The following CPT1A variants were observed in gnomAD, a reference collection of about 807,000 sequenced individuals.
The protein encoded by CPT1A is carnitine O-palmitoyltransferase 1, liver isoform.
CPT1A carries 64 observed loss-of-function variants against 100.8 expected under a neutral mutation model. That is an observed-to-expected ratio of 0.63 (90% CI 0.52 to 0.78). The LOEUF is 0.78. Ranked by LOEUF, CPT1A falls within the 30% of genes least tolerant of loss-of-function variation. The pLI is 0.00. For missense variants in CPT1A, 802 were observed against 1,034.1 expected, an observed-to-expected ratio of 0.78 and a Z score of 3.08; for synonymous variants, 363 against 396.0, an observed-to-expected ratio of 0.92 and a Z score of 0.99.
Position 68,813,577 on chromosome 11 carries a change from C to T in CPT1A, c.142-1001G>A, listed in dbSNP as rs375483550. On this transcript the variant is annotated intron_variant, in intron 2 of 18. Transcript: ENST00000265641. ...ATTAGCCGGGCATTGTGGTGTGCACCTATGGTCCCAACTACTTGGGTGGAT... is the reference window on the plus strand; with the variant it reads ...ATTAGCCGGGCATTGTGGTGTGCACTTATGGTCCCAACTACTTGGGTGGAT... Among the ~76,000 whole-genome samples the T allele has an allele frequency of 2.0e-5, 3 of 149,746 alleles. No individual in the cohort carries two copies. In the Admixed American group the frequency reaches 2.0e-4, roughly 10 times the overall value.
chr11:68,779,675 A>G (rs770191091), intron 12 of CPT1A, among the ~76,000 whole-genome samples: 4 of 151,522 alleles, frequency 2.6e-5, no homozygotes, highest in African/African-American at 4.9e-5. Context: ...ACACACCTGT[A>G]GTCCCAGCTA....
chr11:68,760,079 C>G, intron 17 of CPT1A, 146 bp downstream of exon 17: 1 of 679,948 alleles, frequency 1.5e-6, no homozygotes, highest in Non-Finnish European at 2.7e-6. Context: ...CCAAGGACAT[C>G]CATAGCAATG....
chr11:68,805,680 C>G (rs138405153), intron 4 of CPT1A, among the ~76,000 whole-genome samples: 1 of 152,164 alleles, frequency 6.6e-6, no homozygotes, highest in South Asian at 2.1e-4. Flanking sequence ...TCGTATACAC[C>G]GGCAGACCCA....
At chr11:68,822,958 A>G (rs1856624901) in intron 1 of CPT1A, among the ~76,000 whole-genome samples, 2 of 152,178 alleles carry the variant, frequency 1.3e-5, no homozygotes, top group South Asian at 4.1e-4. Context: ...GTCATGGGTA[A>G]GGAGTTGGGG....
chr11:68,799,151 T>C, intron 6 of CPT1A, 67 bp downstream of exon 6: 1 of 1,435,556 alleles, frequency 7.0e-7, no homozygotes, highest in East Asian at 2.3e-5. Flanking sequence ...CTGTTATCCC[T>C]GCCCCTCAAA....
intron 5 of CPT1A, among the ~76,000 whole-genome samples, chr11:68,801,749 A>T (rs1434581723): frequency 6.8e-6 from 1 of 148,142 alleles, no homozygotes; most frequent in Non-Finnish European, 1.5e-5. Flanking sequence ...TAGTTTTAAA[A>T]TTGGAGTCCC....
chr11:68,768,064 G>GTTTTTTTT (rs1566344951), intron 14 of CPT1A, among the ~76,000 whole-genome samples: 2 of 65,876 alleles, frequency 3.0e-5, no homozygotes, highest in African/African-American at 1.5e-4. Context: ...CTAGTTTCCA[G>GTTTTTTTT]TCTTTTTTTT....
At chr11:68,820,098 T>C (rs1363038306) in intron 1 of CPT1A, among the ~76,000 whole-genome samples, 1 of 152,170 alleles carries the variant, frequency 6.6e-6, no homozygotes, top group African/African-American at 2.4e-5. Flanking sequence ...GGCACGATCA[T>C]GGCTCACTGC....
chr11:68,831,569 G>A (rs1004933124), intron 1 of CPT1A, among the ~76,000 whole-genome samples: 11 of 152,112 alleles, frequency 7.2e-5, no homozygotes, highest in Non-Finnish European at 1.5e-4. Context: ...ATAGGTGTGT[G>A]GGAAGGTAGG....
At chr11:68,754,882 C>G, downstream of CPT1A, 1 of 780,254 alleles carries the variant, frequency 1.3e-6, no homozygotes, top group Middle Eastern at 2.3e-4. Context: ...AGAAACAAAT[C>G]TTGTAGTAGA....
rs1857150688 is a variant in CPT1A at position 68,841,181 on chromosome 11, CA to C, written c.-14+593del. Reference sequence around the variant, plus strand: ...TCCCGAGGGCCGAGCACCCCTCCCTCAGCCGCACTGCACCTGCCCGTAGGTG... The same window carrying C: ...TCCCGAGGGCCGAGCACCCCTCCCTCGCCGCACTGCACCTGCCCGTAGGTG... On this transcript the variant is annotated intron_variant, in intron 1 of 18. Transcript: ENST00000265641. This position sits in a 1 kb window ranked among gnomAD's most constrained non-coding sequence, Gnocchi z 6.3. 6.6e-6 allele frequency among the ~76,000 whole-genome samples: 1 copy of C among 152,188 alleles called. No homozygotes were observed. Among genetic ancestry groups the C allele is most frequent in the South Asian group, 2.1e-4 (1 of 4,836 alleles).
intron 7 of CPT1A, among the ~76,000 whole-genome samples, chr11:68,795,112 T>A (rs943823485): frequency 6.6e-6 from 1 of 152,204 alleles, no homozygotes. Context: ...TATGAGAACA[T>A]AAGTCCTCTA....
At chr11:68,817,207 A>G (rs1034572100) in intron 1 of CPT1A, among the ~76,000 whole-genome samples, 2 of 151,168 alleles carry the variant, frequency 1.3e-5, no homozygotes, top group Non-Finnish European at 2.9e-5. Context: ...TTCTCACCAC[A>G]GGATGATTTT....
At chr11:68,790,196 G>A (rs1012856619) in intron 9 of CPT1A, among the ~76,000 whole-genome samples, 3 of 151,954 alleles carry the variant, frequency 2.0e-5, no homozygotes, top group African/African-American at 7.3e-5. Flanking sequence ...TCAGCCTCCT[G>A]AGTAGCTGGG....
chr11:68,838,566 C>T (rs80101166), intron 1 of CPT1A, among the ~76,000 whole-genome samples: 966 of 2,462 alleles, frequency 0.39, 15 homozygotes, highest in African/African-American at 0.42. Flanking sequence ...TGTATCTGCA[C>T]CTTTTTAAAA....
At chr11:68,775,177 A>G in intron 13 of CPT1A, 139 bp downstream of exon 13, 3 of 728,650 alleles carry the variant, frequency 4.1e-6, no homozygotes, top group Non-Finnish European at 7.3e-6. Flanking sequence ...GAACTCCCTG[A>G]GCAAACAACT....
At position 68,841,207 on chromosome 11, in the gene CPT1A, G is replaced by A. The variant is rs891064120; in HGVS notation, c.-14+568C>T. ...AGCCGCACTGCACCTGCCCGTAGGT[G>A]ACCAACCCACGGGCGGACCCCCAGA... On this transcript the variant is annotated intron_variant, in intron 1 of 18. Coordinates refer to ENST00000265641, the MANE Select transcript of CPT1A (RefSeq NM_001876.4). This position sits in a 1 kb window ranked among gnomAD's most constrained non-coding sequence, Gnocchi z 6.3. 6.6e-6 allele frequency among the ~76,000 whole-genome samples: 1 copy of A among 152,118 alleles called. No homozygotes were observed. Among genetic ancestry groups the A allele is most frequent in the African/African-American group, 2.4e-5 (1 of 41,438 alleles).
intron 6 of CPT1A, among the ~76,000 whole-genome samples, chr11:68,798,016 ATGTTAT>A (rs1333274608): frequency 6.6e-6 from 1 of 152,134 alleles, no homozygotes; most frequent in African/African-American, 2.4e-5. Flanking sequence ...GAAAAAACCA[ATGTTAT>A]GCAAAATTGC....
At chr11:68,791,980 G>A (rs1414325830) in intron 9 of CPT1A, among the ~76,000 whole-genome samples, 1 of 152,066 alleles carries the variant, frequency 6.6e-6, no homozygotes, top group African/African-American at 2.4e-5. Flanking sequence ...CTACTGACTA[G>A]GGCTTGGTCT....
Sources: gnomAD v4.1 joint callset for allele counts (sites outside exome capture counted in the v4.1 genomes callset) on GRCh38, gnomAD v4.1.1 for gene constraint, Gnocchi (gnomAD v3.1) non-coding constraint, MANE v1.5 for transcripts, NCBI Gene and HGNC (gene_info 2026-07-23, HGNC 2026-07-21) for gene names.